The following NCOA3 variants were observed in gnomAD, a reference collection of about 807,000 sequenced individuals.
NCOA3 encodes the protein CBP-interacting protein.
NCOA3 carries 51 observed loss-of-function variants against 158.8 expected under a neutral mutation model. The ratio of observed to expected loss-of-function variants is 0.32; its 90% CI spans 0.26 to 0.41. The LOEUF (loss-of-function observed/expected upper bound fraction) is 0.41, where lower values mean the gene tolerates loss of function less well. Ranked by LOEUF, NCOA3 falls within the 10% of genes least tolerant of loss-of-function variation. The pLI, the probability that NCOA3 is intolerant of heterozygous loss-of-function variation, is 1.00. For missense variants in NCOA3, 1,510 were observed against 1,746.6 expected, an observed-to-expected ratio of 0.86 and a Z score of 2.41; for synonymous variants, 537 against 592.4, an observed-to-expected ratio of 0.91 and a Z score of 1.36.
chr20:47,590,725 C>T (rs112199750), intron 2 of NCOA3, among the ~76,000 whole-genome samples: 29 of 152,172 alleles, frequency 1.9e-4, no homozygotes, highest in African/African-American at 6.5e-4. Context: ...GTAGGAGGAT[C>T]GCTTGACGCT....
intron 1 of NCOA3, among the ~76,000 whole-genome samples, chr20:47,521,332 C>T (rs1020713046): frequency 1.3e-5 from 2 of 151,850 alleles, no homozygotes; most frequent in African/African-American, 2.4e-5. Flanking sequence ...AAATAGCACT[C>T]GAATATAAGA....
chr20:47,561,616 G>A (rs1053268080), intron 1 of NCOA3, among the ~76,000 whole-genome samples: 4 of 151,804 alleles, frequency 2.6e-5, no homozygotes, highest in Non-Finnish European at 2.9e-5. Flanking sequence ...ACTGCACCTC[G>A]CTTAGGCTAT....
intron 2 of NCOA3, among the ~76,000 whole-genome samples, chr20:47,605,406 T>C (rs2085929770): frequency 6.6e-6 from 1 of 152,090 alleles, no homozygotes; most frequent in Admixed American, 6.5e-5. Context: ...TTTGTGTGTG[T>C]GTGTGTATGA....
intron 1 of NCOA3, among the ~76,000 whole-genome samples, chr20:47,523,238 A>G (rs1385721776): frequency 6.6e-6 from 1 of 152,074 alleles, no homozygotes; most frequent in Non-Finnish European, 1.5e-5. Flanking sequence ...TTCCTATAAC[A>G]TTATCCCCTG....
At chr20:47,554,300 C>G (rs2084968439) in intron 1 of NCOA3, among the ~76,000 whole-genome samples, 1 of 151,924 alleles carries the variant, frequency 6.6e-6, no homozygotes, top group Non-Finnish European at 1.5e-5. Flanking sequence ...TGGATATTAG[C>G]CCTTTGTCAG....
chr20:47,511,142 C>A (rs1200162960), intron 1 of NCOA3, among the ~76,000 whole-genome samples: 4 of 151,916 alleles, frequency 2.6e-5, no homozygotes, highest in Non-Finnish European at 5.9e-5. Context: ...TCGGTTTTGC[C>A]TATAGAGATT....
At chr20:47,569,295 C>T (rs1466966999) in intron 1 of NCOA3, among the ~76,000 whole-genome samples, 2 of 151,268 alleles carry the variant, frequency 1.3e-5, no homozygotes, top group African/African-American at 2.4e-5. Context: ...TGCAGTGAGC[C>T]AAGATTGTGC....
At chr20:47,580,126 T>C (rs992736745) in intron 1 of NCOA3, among the ~76,000 whole-genome samples, 2 of 152,138 alleles carry the variant, frequency 1.3e-5, no homozygotes, top group African/African-American at 4.8e-5. Flanking sequence ...AGGGTGCAGA[T>C]TGGCAGGGTC....
chr20:47,613,161 G>T (rs1206991609), intron 2 of NCOA3, among the ~76,000 whole-genome samples: 1 of 152,104 alleles, frequency 6.6e-6, no homozygotes. Context: ...CACTCAATAT[G>T]CTGGCATTAT....
chr20:47,586,206 A>G (rs1405356190), intron 2 of NCOA3, among the ~76,000 whole-genome samples: 2 of 152,160 alleles, frequency 1.3e-5, no homozygotes, highest in Non-Finnish European at 2.9e-5. Flanking sequence ...GGTGTGAACC[A>G]CTGTGCTCGG....
At position 47,628,041 on chromosome 20, in the gene NCOA3, G is replaced by A; in HGVS notation, c.823+18G>A. 6.5e-7 allele frequency: 1 copy of A among 1,534,902 alleles called. No homozygotes were observed. Among genetic ancestry groups the A allele is most frequent in the Non-Finnish European group, 9.0e-7 (1 of 1,115,026 alleles). On this transcript the variant is annotated intron_variant, in intron 8 of 22. Transcript: ENST00000371998. ...TCTTTCAGGTAAAAACTCTTTTTTT[G>A]TCTCTCTCTCTCTCTGTGTATACGT... is the stretch of plus-strand genomic sequence containing the variant.
intron 2 of NCOA3, among the ~76,000 whole-genome samples, chr20:47,620,938 C>A (rs556868393): frequency 2.0e-5 from 3 of 152,138 alleles, no homozygotes; most frequent in Non-Finnish European, 4.4e-5. Flanking sequence ...TCTTTTGTGA[C>A]ATTGACACGT....
intron 1 of NCOA3, among the ~76,000 whole-genome samples, chr20:47,527,136 A>T (rs574565133): frequency 6.6e-6 from 1 of 152,334 alleles, no homozygotes; most frequent in South Asian, 2.1e-4. Flanking sequence ...ATGTCTGTGA[A>T]TAAAGACAGT....
At chr20:47,606,308 C>T (rs2085946982) in intron 2 of NCOA3, among the ~76,000 whole-genome samples, 1 of 152,184 alleles carries the variant, frequency 6.6e-6, no homozygotes, top group Non-Finnish European at 1.5e-5. Flanking sequence ...TAAGACTATT[C>T]TCATAATAAT....
At chr20:47,550,446 G>A (rs370034764) in intron 1 of NCOA3, among the ~76,000 whole-genome samples, 363 of 117,650 alleles carry the variant, frequency 3.1e-3, no homozygotes, top group Middle Eastern at 4.3e-3. Context: ...CTCCGTCTCA[G>A]AAAAAAAAAA....
intron 2 of NCOA3, among the ~76,000 whole-genome samples, chr20:47,605,528 A>G (rs1038047678): frequency 2.0e-5 from 3 of 152,036 alleles, no homozygotes; most frequent in African/African-American, 7.2e-5. Context: ...AGCTATTGAT[A>G]ATACCTTTTT....
At chr20:47,627,501 T>G (rs547549792) in intron 6 of NCOA3, 60 bp from the exon 7 acceptor site, 1 of 1,309,228 alleles carries the variant, frequency 7.6e-7, no homozygotes, top group Non-Finnish European at 1.1e-6. Context: ...GAATTCTTGA[T>G]GATGGTCATA....
intron 1 of NCOA3, among the ~76,000 whole-genome samples, chr20:47,550,151 A>G (rs925341552): frequency 1.0e-4 from 15 of 150,272 alleles, no homozygotes; most frequent in Non-Finnish European, 2.1e-4. Flanking sequence ...TTTTTTTTTA[A>G]AAGGGTTTGA....
chr20:47,530,998 T>C (rs2084535864), intron 1 of NCOA3, among the ~76,000 whole-genome samples: 1 of 152,162 alleles, frequency 6.6e-6, no homozygotes, highest in Non-Finnish European at 1.5e-5. Context: ...GTTTCATCTT[T>C]CATCTCTTCC....
Sources: gnomAD v4.1 joint callset for allele counts (sites outside exome capture counted in the v4.1 genomes callset) on GRCh38, gnomAD v4.1.1 for gene constraint, MANE v1.5 for transcripts, NCBI Gene and HGNC (gene_info 2026-07-23, HGNC 2026-07-21) for gene names.